The following TENM4 variants were observed in gnomAD, a reference collection of about 807,000 sequenced individuals.
The protein encoded by TENM4 is teneurin transmembrane protein 4.
TENM4 carries 82 observed loss-of-function variants against 243.3 expected under a neutral mutation model. That is an observed-to-expected ratio of 0.34 (90% CI 0.28 to 0.40). TENM4 has a LOEUF of 0.40. Among genes scored for constraint, TENM4 ranks in the 10% least tolerant of loss-of-function variants. The pLI is 1.00. For missense variants in TENM4, 3,138 were observed against 3,673.3 expected (o/e 0.85, Z 3.77); for synonymous variants, 1,412 against 1,456.3 (o/e 0.97, Z 0.69).
At chr11:79,259,043 T>C (rs1213598801) in intron 2 of TENM4, among the ~76,000 whole-genome samples, 1 of 152,204 alleles carries the variant, frequency 6.6e-6, no homozygotes, top group Non-Finnish European at 1.5e-5. Flanking sequence ...TGCAGAGAAT[T>C]ACAGTGCACT....
chr11:78,808,280 C>T (rs514630), intron 14 of TENM4, among the ~76,000 whole-genome samples: 1 of 152,014 alleles, frequency 6.6e-6, no homozygotes, highest in Admixed American at 6.6e-5. Context: ...AGGTGTTCAA[C>T]CTAATAACCT....
rs374803933 is a variant in TENM4, at chr11:79,066,726, A to G, written c.224-1719T>C. Among the ~76,000 whole-genome samples the G allele has an allele frequency of 8.7e-5, 7 of 80,312 alleles. No individual in the cohort carries two copies. The South Asian group carries it at 1.1e-3, about 13-fold the overall frequency. The allele number at this position is 80,312 out of a possible 152,430, so 52.7% of individuals were successfully genotyped here. ...CACACACGCATGCACACTCGAGCAC[A>G]CACGCGCACGCACATGCACACACGC... On this transcript the variant is annotated intron_variant, in intron 5 of 33. Coordinates refer to ENST00000278550, the MANE Select transcript of TENM4 (RefSeq NM_001098816.3).
intron 19 of TENM4, among the ~76,000 whole-genome samples, chr11:78,750,130 T>A (rs1590991865): frequency 6.6e-6 from 1 of 152,376 alleles, no homozygotes; most frequent in African/African-American, 2.4e-5. Flanking sequence ...CAGTATAGAA[T>A]GCTTTCTACA....
rs560440310 is a variant in TENM4, at chr11:79,020,369, A to T, written c.493+44369T>A. 5.3e-5 allele frequency among the ~76,000 whole-genome samples: 8 copies of T among 152,292 alleles called. No homozygotes were observed. In the South Asian group the frequency reaches 1.4e-3, roughly 28 times the overall value. ...ATTCTGTTTTAATATTAACTATCTC[A>T]TTTGGCAATTCTATTTCAATAATGA... On this transcript the variant is annotated intron_variant, in intron 6 of 33. Transcript: ENST00000278550.
intron 27 of TENM4, 77 bp from the exon 28 acceptor site, chr11:78,702,480 A>G (rs1859132382): frequency 2.6e-6 from 4 of 1,523,864 alleles, no homozygotes; most frequent in East Asian, 4.5e-5. Context: ...CATGTAGCCC[A>G]TAACAGTGTC....
At chr11:79,391,918 G>T (rs1858242099) in intron 1 of TENM4, among the ~76,000 whole-genome samples, 1 of 151,830 alleles carries the variant, frequency 6.6e-6, no homozygotes, top group South Asian at 2.1e-4. Context: ...AAAAGATACA[G>T]AAAATTGGTT....
intron 4 of TENM4, among the ~76,000 whole-genome samples, chr11:79,110,636 A>G (rs1322593209): frequency 6.6e-6 from 1 of 152,224 alleles, no homozygotes; most frequent in Non-Finnish European, 1.5e-5. Flanking sequence ...CAGAGCCCAT[A>G]GACCAGCCAG....
At chr11:79,164,184 G>GTA (rs1429183642) in intron 3 of TENM4, among the ~76,000 whole-genome samples, 1 of 121,674 alleles carries the variant, frequency 8.2e-6, no homozygotes, top group African/African-American at 3.3e-5. Context: ...ATACTATAGT[G>GTA]TATATATATA....
chr11:79,326,063 G>A (rs979849729), intron 1 of TENM4, among the ~76,000 whole-genome samples: 12 of 152,194 alleles, frequency 7.9e-5, no homozygotes, highest in African/African-American at 2.4e-4. Context: ...GAGAGCAAAC[G>A]TGCGCCTTAT....
chr11:79,393,872 T>C (rs1858286672), intron 1 of TENM4, among the ~76,000 whole-genome samples: 1 of 152,142 alleles, frequency 6.6e-6, no homozygotes, highest in African/African-American at 2.4e-5. Context: ...GAGGAGCAGA[T>C]GGCTGTCTGG....
intron 2 of TENM4, among the ~76,000 whole-genome samples, chr11:79,289,998 G>C (rs189564191): frequency 2.0e-5 from 3 of 151,096 alleles, no homozygotes; most frequent in Admixed American, 2.0e-4. Context: ...GTTTTGCCAT[G>C]TTAGCCAGGC....
chr11:78,888,642 C>A (rs1420689794), intron 9 of TENM4, among the ~76,000 whole-genome samples: 1 of 152,212 alleles, frequency 6.6e-6, no homozygotes, highest in East Asian at 1.9e-4. Context: ...ACACCTCTTA[C>A]TACTTCTCAA....
intron 2 of TENM4, among the ~76,000 whole-genome samples, chr11:79,289,588 G>T (rs993218392): frequency 2.6e-5 from 4 of 152,232 alleles, no homozygotes; most frequent in Non-Finnish European, 5.9e-5. Context: ...TGCTGTGATT[G>T]CTTTGCAGCT....
At chr11:79,118,401 A>G (rs1861666665) in intron 4 of TENM4, among the ~76,000 whole-genome samples, 1 of 152,230 alleles carries the variant, frequency 6.6e-6, no homozygotes, top group Non-Finnish European at 1.5e-5. Flanking sequence ...TAAAATACAC[A>G]TAATATAAAA....
intron 1 of TENM4, among the ~76,000 whole-genome samples, chr11:79,414,176 ACACACACG>A (rs1279630298): frequency 3.3e-5 from 5 of 151,988 alleles, no homozygotes; most frequent in Non-Finnish European, 7.4e-5. Context: ...ACACACACAC[ACACACACG>A]CACACAAACA....
intron 6 of TENM4, among the ~76,000 whole-genome samples, chr11:79,041,693 C>T (rs1859537128): frequency 6.6e-6 from 1 of 152,172 alleles, no homozygotes; most frequent in African/African-American, 2.4e-5. Context: ...GTGTCAAATC[C>T]TCCAGTCTTG....
intron 1 of TENM4, among the ~76,000 whole-genome samples, chr11:79,343,570 C>T (rs996142060): frequency 1.3e-5 from 2 of 151,980 alleles, no homozygotes; most frequent in Non-Finnish European, 2.9e-5. Flanking sequence ...TCAGCTGATG[C>T]TTGATAAAAA....
intron 2 of TENM4, among the ~76,000 whole-genome samples, chr11:79,271,326 T>G (rs556278994): frequency 6.6e-6 from 1 of 152,340 alleles, no homozygotes; most frequent in African/African-American, 2.4e-5. Flanking sequence ...TTACAGAGAC[T>G]TTTTCTTGTC....
chr11:78,919,544 T>C (rs1454228950), intron 6 of TENM4, among the ~76,000 whole-genome samples: 1 of 152,088 alleles, frequency 6.6e-6, no homozygotes, highest in Non-Finnish European at 1.5e-5. Context: ...GTGGCACTGT[T>C]TTTTTCCGTT....
Sources: allele counts gnomAD v4.1 joint callset (sites outside exome capture counted in the v4.1 genomes callset), GRCh38; gene constraint gnomAD v4.1.1; transcripts MANE v1.5; gene names NCBI Gene and HGNC (gene_info 2026-07-23, HGNC 2026-07-21).